Variants in IMPG1 observed in about 807,000 individuals in gnomAD.
IMPG1 encodes the protein interphotoreceptor matrix proteoglycan 1.
A neutral mutation model predicts 92.0 loss-of-function variants in IMPG1; 85 were observed. The observed-to-expected ratio is 0.92, with a 90% confidence interval of 0.78 to 1.11. The LOEUF is 1.11. Ranked by LOEUF, IMPG1 falls within the 50% of genes least tolerant of loss-of-function variation. The pLI, the probability that IMPG1 is intolerant of heterozygous loss-of-function variation, is 0.00. For synonymous variants in IMPG1, 367 were observed against 334.1 expected (o/e 1.10, Z -1.08); for missense variants, 1,022 against 956.0 (o/e 1.07, Z -0.91).
At chr6:76,009,089 A>G (rs946401241) in intron 8 of IMPG1, among the ~76,000 whole-genome samples, 4 of 152,310 alleles carry the variant, frequency 2.6e-5, no homozygotes, top group Non-Finnish European at 5.9e-5. Flanking sequence ...GCAAGAATAT[A>G]TGACAATTTG....
At chr6:76,017,395 C>G (rs1306631959) in intron 7 of IMPG1, among the ~76,000 whole-genome samples, 1 of 152,108 alleles carries the variant, frequency 6.6e-6, no homozygotes, top group Non-Finnish European at 1.5e-5. Context: ...ATATAATTGC[C>G]TTCCTCTTAT....
intron 12 of IMPG1, among the ~76,000 whole-genome samples, chr6:75,964,811 A>C (rs189188010): frequency 1.3e-5 from 2 of 152,288 alleles, no homozygotes; most frequent in Admixed American, 6.5e-5. Flanking sequence ...TAATCTAGAG[A>C]CAATTCCCAT....
intron 15 of IMPG1, among the ~76,000 whole-genome samples, chr6:75,928,961 A>G (rs1272536726): frequency 6.6e-6 from 1 of 152,150 alleles, no homozygotes; most frequent in African/African-American, 2.4e-5. Flanking sequence ...AGTTATATAT[A>G]TTATTGCCTT....
intron 1 of IMPG1, among the ~76,000 whole-genome samples, chr6:76,068,007 T>C (rs964646921): frequency 6.6e-6 from 1 of 152,068 alleles, no homozygotes; most frequent in East Asian, 1.9e-4. Flanking sequence ...ATAAAAGCCA[T>C]CAAGAAACTA....
chr6:75,983,274 CT>C (rs1782659217), intron 12 of IMPG1, among the ~76,000 whole-genome samples: 1 of 152,006 alleles, frequency 6.6e-6, no homozygotes, highest in South Asian at 2.1e-4. Flanking sequence ...AGAGCCTTCT[CT>C]TTTAATTAAG....
chr6:75,925,824 C>T (rs560267882), intron 15 of IMPG1, among the ~76,000 whole-genome samples: 1 of 152,178 alleles, frequency 6.6e-6, no homozygotes, highest in African/African-American at 2.4e-5. Flanking sequence ...TGCCACCACG[C>T]CCAGTTAATT....
intron 6 of IMPG1, among the ~76,000 whole-genome samples, chr6:76,019,891 A>G (rs73466880): frequency 0.022 from 3,327 of 152,306 alleles, 123 homozygotes; most frequent in African/African-American, 0.075. Context: ...CTTTTGAAGA[A>G]GATGGGACAG....
chr6:76,018,948 G>T (rs1244682600), intron 6 of IMPG1, 90 bp from the exon 7 acceptor site: 23 of 1,221,296 alleles, frequency 1.9e-5, no homozygotes, highest in Non-Finnish European at 2.4e-5. Context: ...ACTGTCTCAA[G>T]AAGTGGATTA....
At chr6:75,953,105 G>C (rs1319225378) in intron 12 of IMPG1, among the ~76,000 whole-genome samples, 1 of 152,024 alleles carries the variant, frequency 6.6e-6, no homozygotes, top group African/African-American at 2.4e-5. Context: ...CGGGTGATAA[G>C]AGTTGGCAAG....
At position 75,980,360 on chromosome 6, in the gene IMPG1, T is replaced by C. The variant is rs184119550; in HGVS notation, c.1291+22558A>G. ...ATGGAAGACAGTAGGATATTAATAA[T>C]ATACAGGTGTGATAGTTAACATTGT... On this transcript the variant is annotated intron_variant, in intron 12 of 16. Transcript: ENST00000369950. 4.6e-3 allele frequency among the ~76,000 whole-genome samples: 707 copies of C among 152,316 alleles called. 2 individuals carry two copies. Among genetic ancestry groups the C allele is most frequent in the Non-Finnish European group, 7.4e-3 (503 of 68,028 alleles).
rs528732789 is a variant in IMPG1 at position 75,936,518 on chromosome 6, A to T, written c.2045-5367T>A. 2.4e-4 allele frequency among the ~76,000 whole-genome samples: 37 copies of T among 152,364 alleles called. 1 individual carries two copies. In the South Asian group the frequency reaches 6.4e-3, roughly 26 times the overall value. On this transcript the variant is annotated intron_variant, in intron 14 of 16. Transcript: ENST00000369950. The stretch of plus-strand genomic sequence containing the variant: ...AGCTTAATACACATTTGTGGAATTA[A>T]GTTAACAAGAGTTCTTTCTGGTTTA...
intron 1 of IMPG1, among the ~76,000 whole-genome samples, chr6:76,049,854 G>T (rs945261648): frequency 6.6e-6 from 1 of 152,190 alleles, no homozygotes; most frequent in East Asian, 1.9e-4. Context: ...AGCAGACTAA[G>T]GAAAATGGTT....
intron 1 of IMPG1, among the ~76,000 whole-genome samples, chr6:76,066,962 C>A (rs1784319896): frequency 6.6e-5 from 10 of 151,764 alleles, no homozygotes; most frequent in Admixed American, 6.6e-4. Context: ...GGGTCAATGA[C>A]AAAATTAACA....
intron 14 of IMPG1, among the ~76,000 whole-genome samples, chr6:75,934,407 C>A (rs1781707779): frequency 6.6e-6 from 1 of 152,150 alleles, no homozygotes; most frequent in Non-Finnish European, 1.5e-5. Context: ...CAGTTTCTTC[C>A]CTGGATTTGC....
intron 14 of IMPG1, among the ~76,000 whole-genome samples, chr6:75,936,710 C>T (rs1781752249): frequency 6.6e-6 from 1 of 152,204 alleles, no homozygotes; most frequent in African/African-American, 2.4e-5. Context: ...TCTCAGCTTT[C>T]AGCCATTATT....
At chr6:75,956,130 T>A (rs1482539833) in intron 12 of IMPG1, among the ~76,000 whole-genome samples, 5 of 152,190 alleles carry the variant, frequency 3.3e-5, no homozygotes, top group Non-Finnish European at 7.3e-5. Context: ...TTAGGGAGGA[T>A]GCCCTCTTTT....
chr6:75,982,352 C>A lies in IMPG1; in HGVS notation c.1291+20566G>T, dbSNP rs537057118. 2.0e-5 allele frequency among the ~76,000 whole-genome samples: 3 copies of A among 151,976 alleles called. No homozygotes were observed. In the South Asian group the frequency reaches 6.2e-4, roughly 32 times the overall value. On this transcript the variant is annotated intron_variant, in intron 12 of 16. Coordinates refer to ENST00000369950, the MANE Select transcript of IMPG1 (RefSeq NM_001563.4). ...GGTCAGGAGTTCGAGACCAGCCTGG[C>A]CAGCATAGTGAAACTCTGTCTCTAC...
At chr6:75,979,707 A>C (rs1337582136) in intron 12 of IMPG1, among the ~76,000 whole-genome samples, 1 of 152,186 alleles carries the variant, frequency 6.6e-6, no homozygotes, top group African/African-American at 2.4e-5. Flanking sequence ...CAGACTGTAG[A>C]AGTTTTGAGT....
chr6:75,955,117 A>C (rs1272768340), intron 12 of IMPG1, among the ~76,000 whole-genome samples: 5 of 152,204 alleles, frequency 3.3e-5, no homozygotes, highest in African/African-American at 1.2e-4. Context: ...GTCCCATATG[A>C]AATTTAAAGT....
Sources: gnomAD v4.1 joint callset for allele counts (sites outside exome capture counted in the v4.1 genomes callset) on GRCh38, gnomAD v4.1.1 for gene constraint, MANE v1.5 for transcripts, NCBI Gene and HGNC (gene_info 2026-07-23, HGNC 2026-07-21) for gene names.